The following PCLO variants were observed in gnomAD, a reference collection of about 807,000 sequenced individuals.
The protein encoded by PCLO is piccolo presynaptic cytomatrix protein, also known as protein piccolo.
A neutral mutation model predicts 427.5 loss-of-function variants in PCLO; 82 were observed. The observed-to-expected ratio is 0.19, with a 90% confidence interval of 0.16 to 0.23. The LOEUF (loss-of-function observed/expected upper bound fraction) is 0.23, where lower values mean the gene tolerates loss of function less well. PCLO is among the 10% of genes least tolerant of loss of function. PCLO has a pLI of 1.00. For missense variants in PCLO, 6,239 were observed against 6,115.9 expected (o/e 1.02, Z -0.67); for synonymous variants, 2,357 against 2,155.4 (o/e 1.09, Z -2.59).
chr7:82,808,415 C>A (rs945352344), intron 20 of PCLO, among the ~76,000 whole-genome samples: 1 of 151,750 alleles, frequency 6.6e-6, no homozygotes. Flanking sequence ...TAGTTCTATT[C>A]CTCTTCTGGA....
chr7:82,879,991 A>T (rs1355560673), intron 9 of PCLO: 2 of 321,486 alleles, frequency 6.2e-6, no homozygotes, highest in African/African-American at 4.5e-5. Flanking sequence ...ACTTTCTACA[A>T]GACACGATAA....
Position 82,955,291 on chromosome 7 carries a change from TGGGCAA to T in PCLO, c.5656_5661del (p.Leu1886_Pro1887del). 1.9e-6 allele frequency: 3 copies of T among 1,613,396 alleles called. No homozygotes were observed. Among genetic ancestry groups the T allele is most frequent in the Non-Finnish European group, 2.5e-6 (3 of 1,179,724 alleles). On this transcript the variant is annotated inframe_deletion, in exon 5 of 25. Coordinates refer to ENST00000333891, the MANE Select transcript of PCLO (RefSeq NM_033026.6). ...GTTGGTGAGTATAATGAAACAGCTG[TGGGCAA>T]TTTATAAACTTTTTGTACTTCTATT...
At position 83,134,518 on chromosome 7, in the gene PCLO, T is replaced by C; in HGVS notation, c.3032A>G (p.Lys1011Arg). The change falls in exon 3 of 25, where the codon AAA (lysine) becomes AGA (arginine). Residue 1011 changes from lysine to arginine, a missense_variant. By Grantham distance (26) the Lys-to-Arg change is conservative. Transcript: ENST00000333891. ...TTTTACTGTTGGAGCTTGTTCAGCT[T>C]TGGGCTCTAATTTTTCAGCTGCTGG... Reference protein sequence around the residue: ...KAPAAEKLEPKAEQAPTVKRT... With the variant: ...KAPAAEKLEPRAEQAPTVKRT... 6.2e-7 allele frequency: 1 copy of C among 1,613,934 alleles called. No homozygotes were observed. The highest frequency in any genetic ancestry group is 8.5e-7 in the Non-Finnish European group (1 of 1,179,882).
At chr7:82,772,397 T>A (rs1014583398) in intron 22 of PCLO, among the ~76,000 whole-genome samples, 2 of 152,094 alleles carry the variant, frequency 1.3e-5, no homozygotes, top group African/African-American at 4.8e-5. Context: ...TTGAAAGCTA[T>A]GGGGTGGCCT....
intron 3 of PCLO, among the ~76,000 whole-genome samples, 194 bp downstream of exon 3, chr7:83,134,056 A>G (rs1791642765): frequency 6.6e-6 from 1 of 151,676 alleles, no homozygotes; most frequent in South Asian, 2.1e-4. Flanking sequence ...AACCCAGGAA[A>G]GTACAAATAA....
Position 82,954,627 on chromosome 7 carries a change from C to T in PCLO, c.6326G>A (p.Ser2109Asn), listed in dbSNP as rs753933858. Residue 2109 changes from serine (S) to asparagine (N), a missense_variant, in exon 5 of 25, where the codon AGT (serine) becomes AAT (asparagine). Ser to Asn is a conservative substitution (Grantham distance 46). Around this residue, in one of 5 missense-constraint regions of PCLO, gnomAD observed 4,677 missense variants for 4,468.4 expected, o/e 1.05. Coordinates refer to ENST00000333891, the MANE Select transcript of PCLO (RefSeq NM_033026.6). ...DRMPDASLTS[S>N]VLSGASLTDS... is the part of the protein sequence containing the mutation. ...TGTAAGAGACGCTCCTGAGAGAACA[C>T]TTGATGTCAAAGAGGCATCTGGCAT... 6.8e-6 allele frequency: 11 copies of T among 1,613,894 alleles called. No individual in the cohort carries two copies. The Admixed American group carries it at 1.0e-4, about 15-fold the overall frequency.
intron 20 of PCLO, among the ~76,000 whole-genome samples, chr7:82,814,785 G>A (rs996594190): frequency 2.0e-5 from 3 of 151,874 alleles, no homozygotes; most frequent in Non-Finnish European, 4.4e-5. Context: ...CAAATAACAT[G>A]TTAATCTTCT....
rs925725869 is a variant in PCLO, at chr7:82,904,561, A to G, written c.13438-1820T>C. 2.0e-5 allele frequency among the ~76,000 whole-genome samples: 3 copies of G among 152,010 alleles called. No individual in the cohort carries two copies. In the South Asian group the frequency reaches 6.2e-4, roughly 31 times the overall value. On this transcript the variant is annotated intron_variant, in intron 8 of 24. Coordinates refer to ENST00000333891, the MANE Select transcript of PCLO (RefSeq NM_033026.6). ...ATTTCAATCTCTTCTAATCTCAGGT[A>G]TTAGTTAATAATAATTCCAAAAAGT...
At position 82,827,900 on chromosome 7, in the gene PCLO, T is replaced by G. The variant is rs773473628; in HGVS notation, c.14316A>C (p.Val4772=). 49 of 1,592,600 alleles carry G rather than the reference T, an allele frequency of 3.1e-5. No homozygotes were observed. Among genetic ancestry groups the G allele is most frequent in the Non-Finnish European group, 4.2e-5 (49 of 1,162,074 alleles). The change falls in exon 17 of 25, where the codon GTA becomes GTC. Residue 4772 remains valine (V), a synonymous_variant. Transcript: ENST00000333891. ...KSLNPEWNQT[V]IYKSISMEQL... ...GTTCCATGGAAATACTTTTATAAAT[T>G]ACTGTTTGATTCCACTCAGGATTAA...
chr7:83,040,337 T>C (rs1341696598), intron 3 of PCLO, among the ~76,000 whole-genome samples: 1 of 152,136 alleles, frequency 6.6e-6, no homozygotes, highest in African/African-American at 2.4e-5. Context: ...TGTAGGCTGA[T>C]AGTCACCTTG....
chr7:82,771,882 C>T (rs751872142), intron 22 of PCLO, among the ~76,000 whole-genome samples: 8 of 152,008 alleles, frequency 5.3e-5, no homozygotes, highest in Non-Finnish European at 1.0e-4. Context: ...GAGTTACAAT[C>T]AAGATAGGGA....
intron 3 of PCLO, among the ~76,000 whole-genome samples, chr7:83,038,025 A>ATATATATATATT (rs1562932933): frequency 6.1e-5 from 3 of 49,098 alleles, no homozygotes; most frequent in African/African-American, 4.6e-4. Flanking sequence ...ATATATATAT[A>ATATATATATATT]TATATTTATA....
chr7:82,861,143 G>A (rs545408162), intron 10 of PCLO, among the ~76,000 whole-genome samples: 25 of 151,880 alleles, frequency 1.6e-4, no homozygotes, highest in South Asian at 1.0e-3. Flanking sequence ...TAAACACTTC[G>A]ATCAAAAGAT....
chr7:83,099,107 T>C (rs1452314640), intron 3 of PCLO, among the ~76,000 whole-genome samples: 2 of 151,490 alleles, frequency 1.3e-5, no homozygotes, highest in African/African-American at 2.4e-5. Flanking sequence ...ACAAGTTTAA[T>C]AGGTTAAAAG....
At chr7:82,893,937 T>A (rs1321483334) in intron 9 of PCLO, among the ~76,000 whole-genome samples, 1 of 151,904 alleles carries the variant, frequency 6.6e-6, no homozygotes, top group Admixed American at 6.6e-5. Flanking sequence ...TTAGAAACCA[T>A]CATTTATAAG....
At chr7:82,762,155 C>T (rs1343579588) in intron 22 of PCLO, among the ~76,000 whole-genome samples, 2 of 151,940 alleles carry the variant, frequency 1.3e-5, no homozygotes, top group Non-Finnish European at 2.9e-5. Flanking sequence ...CAGATATTTT[C>T]ATCAATAAAT....
intron 10 of PCLO, among the ~76,000 whole-genome samples, chr7:82,853,779 T>C (rs1283510638): frequency 6.6e-6 from 1 of 152,148 alleles, no homozygotes; most frequent in African/African-American, 2.4e-5. Context: ...TACTAGTTGT[T>C]GTGCCCTTGA....
intron 3 of PCLO, among the ~76,000 whole-genome samples, chr7:83,113,710 T>C (rs186927429): frequency 6.6e-6 from 1 of 152,210 alleles, no homozygotes; most frequent in East Asian, 1.9e-4. Flanking sequence ...TGCATTCTAG[T>C]GAGGTAGAAG....
chr7:82,896,402 G>A (rs1461956222), intron 9 of PCLO, among the ~76,000 whole-genome samples: 1 of 151,650 alleles, frequency 6.6e-6, no homozygotes, highest in Non-Finnish European at 1.5e-5. Flanking sequence ...CACCAAAACT[G>A]TATATTGAAT....
Sources: gnomAD v4.1 joint callset for allele counts (sites outside exome capture counted in the v4.1 genomes callset) on GRCh38, gnomAD v4.1.1 for gene constraint, gnomAD v4.1.1 regional missense constraint, MANE v1.5 for transcripts, NCBI Gene and HGNC (gene_info 2026-07-23, HGNC 2026-07-21) for gene names.